The following SNX8 variants were observed in gnomAD, a reference collection of about 807,000 sequenced individuals.
The protein encoded by SNX8 is sorting nexin 8.
In SNX8, 25 loss-of-function variants were observed where a neutral mutation model predicts 51.6. The ratio of observed to expected loss-of-function variants is 0.48; its 90% CI spans 0.35 to 0.68. The LOEUF (loss-of-function observed/expected upper bound fraction) is 0.68, where lower values mean the gene tolerates loss of function less well. SNX8 is among the 30% of genes least tolerant of loss of function. The pLI is 0.00. For missense variants in SNX8, 695 were observed against 624.0 expected (o/e 1.11, Z -1.21); for synonymous variants, 324 against 277.0 (o/e 1.17, Z -1.68).
intron 1 of SNX8, among the ~76,000 whole-genome samples, chr7:2,281,661 G>A (rs1231131209): frequency 6.6e-6 from 1 of 152,294 alleles, no homozygotes; most frequent in East Asian, 1.9e-4. Context: ...CAGTCCCACA[G>A]AGAGAAAACA....
At chr7:2,347,476 G>A (rs1439998096) in intron 1 of SNX8, among the ~76,000 whole-genome samples, 4 of 76,948 alleles carry the variant, frequency 5.2e-5, no homozygotes, top group Non-Finnish European at 7.0e-5. Flanking sequence ...GCAAGATGCT[G>A]TCTCAAAAAA....
chr7:2,292,524 G>C (rs936410389), intron 1 of SNX8, among the ~76,000 whole-genome samples: 5 of 151,300 alleles, frequency 3.3e-5, no homozygotes, highest in African/African-American at 9.7e-5. Context: ...CCATTCTCCT[G>C]CCTCAGCCTC....
chr7:2,307,271 T>C (rs572760053), intron 1 of SNX8, among the ~76,000 whole-genome samples: 3 of 110,664 alleles, frequency 2.7e-5, no homozygotes, highest in South Asian at 3.3e-4. Flanking sequence ...TCTGGTTATG[T>C]GATTTTTTTT....
At chr7:2,341,934 C>T (rs962916519) in intron 1 of SNX8, among the ~76,000 whole-genome samples, 22 of 152,058 alleles carry the variant, frequency 1.4e-4, no homozygotes, top group Non-Finnish European at 4.4e-5. Context: ...GATCGCACCA[C>T]TGCACTCCAG....
At chr7:2,282,920 G>C (rs1240991712) in intron 1 of SNX8, among the ~76,000 whole-genome samples, 1 of 152,122 alleles carries the variant, frequency 6.6e-6, no homozygotes, top group African/African-American at 2.4e-5. Context: ...AGGAGATCGA[G>C]ACCATCCTGG....
At chr7:2,321,427 CTTTTTTT>C (rs903598248) in intron 1 of SNX8, among the ~76,000 whole-genome samples, 1 of 139,536 alleles carries the variant, frequency 7.2e-6, no homozygotes. Flanking sequence ...AATGGAATTT[CTTTTTTT>C]TTTTTTTTTT....
chr7:2,295,069 C>T (rs1393039521), intron 1 of SNX8, among the ~76,000 whole-genome samples: 1 of 151,926 alleles, frequency 6.6e-6, no homozygotes, highest in Non-Finnish European at 1.5e-5. Context: ...TAATAAAAGA[C>T]AAGACCATCC....
rs1584688838 is a variant in SNX8 at position 2,275,097 on chromosome 7, C to G, written c.418+15G>C. ...CGCTCCCTCCGCCCCCGGTGGGCAG[C>G]ACGCCTGGCTTTACCTCCCAGCATT... On this transcript the variant is annotated intron_variant, in intron 3 of 10. Transcript: ENST00000222990. The G allele has an allele frequency of 6.4e-7, 1 of 1,573,512 alleles. No homozygotes were observed. The highest frequency in any genetic ancestry group is 2.2e-5 in the East Asian group (1 of 44,666).
rs747467352 is a variant in SNX8 at position 2,336,805 on chromosome 7, G to A, written c.-66+17417C>T. ...GCAGATCATTTGAGGTCAGAAGTTC[G>A]AGAGTAGCATGGCCAACATGGTGAA... is the stretch of plus-strand genomic sequence containing the variant. On this transcript the variant is annotated intron_variant, in intron 1 of 5. Coordinates refer to the SNX8 transcript ENST00000435336. Among the ~76,000 whole-genome samples, 166 of 151,550 alleles carry A rather than the reference G, an allele frequency of 1.1e-3. 1 individual carries two copies. Among genetic ancestry groups the A allele is most frequent in the Middle Eastern group, 3.5e-3 (1 of 288 alleles).
chr7:2,276,163 G>C (rs12673658), intron 2 of SNX8, among the ~76,000 whole-genome samples: 4,700 of 152,226 alleles, frequency 0.031, 117 homozygotes, highest in African/African-American at 0.059. Flanking sequence ...AGTAAGACTG[G>C]ACAAAAGGCC....
chr7:2,285,960 G>A (rs1796017543), intron 1 of SNX8, among the ~76,000 whole-genome samples: 1 of 152,086 alleles, frequency 6.6e-6, no homozygotes, highest in South Asian at 2.1e-4. Context: ...TGGGATTACA[G>A]GCGTGAGCCA....
chr7:2,252,580 CCA>C lies in SNX8; in HGVS notation c.*2474_*2475del, dbSNP rs1795063172. On this transcript the variant is annotated 3_prime_UTR_variant, in exon 11 of 11. Transcript: ENST00000222990. Reference sequence around the variant, plus strand: ...CCCCAGGGCACACAGGAAGCAGCCACCACACGTGGGAGACAGGCTGCCCTCGT... The same window carrying C: ...CCCCAGGGCACACAGGAAGCAGCCACCACGTGGGAGACAGGCTGCCCTCGT... The C allele has an allele frequency of 6.5e-6, 1 of 153,114 alleles. No individual in the cohort carries two copies. Among genetic ancestry groups the C allele is most frequent in the Non-Finnish European group, 1.5e-5 (1 of 68,660 alleles). 9.5% of individuals were successfully genotyped at this position (153,114 alleles called of 1,614,324 possible).
intron 7 of SNX8, among the ~76,000 whole-genome samples, chr7:2,260,181 C>T (rs974110102): frequency 1.3e-5 from 2 of 151,976 alleles, no homozygotes; most frequent in African/African-American, 2.4e-5. Context: ...CTGCAACCTC[C>T]GCCTCCCAGG....
chr7:2,303,495 G>A (rs951724457), intron 1 of SNX8, among the ~76,000 whole-genome samples: 10 of 152,368 alleles, frequency 6.6e-5, no homozygotes, highest in East Asian at 1.9e-4. Context: ...TGACAATGGC[G>A]GTTTTGTGGA....
chr7:2,352,649 G>A (rs975413425), intron 1 of SNX8, among the ~76,000 whole-genome samples: 12 of 151,754 alleles, frequency 7.9e-5, no homozygotes, highest in African/African-American at 1.9e-4. Flanking sequence ...TGGCTAATAC[G>A]GTGAAACCTC....
intron 1 of SNX8, among the ~76,000 whole-genome samples, chr7:2,296,138 C>T (rs1338771047): frequency 6.6e-6 from 1 of 152,114 alleles, no homozygotes; most frequent in African/African-American, 2.4e-5. Flanking sequence ...TGGTAGGAAT[C>T]ACACTGACTC....
chr7:2,315,328 CCACT>C (rs1796736650), upstream of SNX8, among the ~76,000 whole-genome samples: 1 of 116,640 alleles, frequency 8.6e-6, no homozygotes, highest in African/African-American at 3.2e-5. Flanking sequence ...ACCCACTCAC[CCACT>C]CACTCTCTGC....
At position 2,254,980 on chromosome 7, in the gene SNX8, G is replaced by A. The variant is rs1795139872; in HGVS notation, c.*76C>T. 9.8e-7 allele frequency: 1 copy of A among 1,019,910 alleles called. No individual in the cohort carries two copies. The highest frequency in any genetic ancestry group is 1.6e-5 in the African/African-American group (1 of 62,966). The allele number at this position is 1,019,910 out of a possible 1,614,324, so 63.2% of individuals were successfully genotyped here. On this transcript the variant is annotated 3_prime_UTR_variant, in exon 11 of 11. Coordinates refer to ENST00000222990, the MANE Select transcript of SNX8 (RefSeq NM_013321.4). Reference sequence around the variant, plus strand: ...GCGGGGAGGGGAGCTGCCGTCCAAAGGGAATTACACCGGGACACACCGTTT... The same window carrying A: ...GCGGGGAGGGGAGCTGCCGTCCAAAAGGAATTACACCGGGACACACCGTTT...
intron 1 of SNX8, among the ~76,000 whole-genome samples, chr7:2,305,938 C>A (rs1391987894): frequency 1.3e-5 from 2 of 151,956 alleles, no homozygotes; most frequent in Non-Finnish European, 2.9e-5. Context: ...ATAAAGACAG[C>A]GGCACCCTGG....
Sources: gnomAD v4.1 joint callset for allele counts (sites outside exome capture counted in the v4.1 genomes callset) on GRCh38, gnomAD v4.1.1 for gene constraint, MANE v1.5 for transcripts, NCBI Gene and HGNC (gene_info 2026-07-23, HGNC 2026-07-21) for gene names.